The following CDH12 variants were observed in gnomAD, a reference collection of about 807,000 sequenced individuals.
CDH12 encodes the protein cadherin-12.
A neutral mutation model predicts 74.1 loss-of-function variants in CDH12; 41 were observed. The ratio of observed to expected loss-of-function variants is 0.55; its 90% CI spans 0.43 to 0.72. The LOEUF (loss-of-function observed/expected upper bound fraction) is 0.72. Among genes scored for constraint, CDH12 ranks in the 30% least tolerant of loss-of-function variants. The pLI is 0.00. For missense variants in CDH12, 945 were observed against 977.2 expected (o/e 0.97, Z 0.44); for synonymous variants, 399 against 355.0 (o/e 1.12, Z -1.39).
At position 21,828,471 on chromosome 5, in the gene CDH12, G is replaced by A. The variant is rs577024597; in HGVS notation, c.815-11339C>T. Among the ~76,000 whole-genome samples, 4 of 152,226 alleles carry A rather than the reference G, an allele frequency of 2.6e-5. No individual in the cohort carries two copies. The South Asian group carries it at 8.3e-4, about 32-fold the overall frequency. On this transcript the variant is annotated intron_variant, in intron 8 of 14. Coordinates refer to ENST00000382254, the MANE Select transcript of CDH12 (RefSeq NM_004061.5). The stretch of plus-strand genomic sequence containing the variant: ...GCTGGGGATATGTATTTACTCACAA[G>A]TTTGACTTCTCACTGGTTTTCTTCT...
intron 10 of CDH12, among the ~76,000 whole-genome samples, chr5:21,794,648 T>C (rs1246967227): frequency 6.6e-6 from 1 of 151,798 alleles, no homozygotes; most frequent in Admixed American, 6.6e-5. Context: ...TGTTTTGCAT[T>C]GTTTCTGTAT....
chr5:22,605,377 T>C (rs1182810598), intron 1 of CDH12, among the ~76,000 whole-genome samples: 2 of 152,192 alleles, frequency 1.3e-5, no homozygotes, highest in Admixed American at 1.3e-4. Context: ...CTGAAGGGCC[T>C]TCCATCAGTC....
intron 1 of CDH12, among the ~76,000 whole-genome samples, chr5:22,676,735 T>A (rs906142274): frequency 3.9e-5 from 6 of 152,208 alleles, no homozygotes; most frequent in African/African-American, 1.4e-4. Flanking sequence ...TGGTAAGTTC[T>A]ACAATGGATA....
At chr5:21,884,184 G>A (rs1752509825) in intron 6 of CDH12, 3 of 1,583,388 alleles carry the variant, frequency 1.9e-6, no homozygotes, top group South Asian at 2.2e-5. Flanking sequence ...TTTATTGGAT[G>A]CTGCTGGTGT....
chr5:22,170,995 C>T (rs959811741), intron 4 of CDH12, among the ~76,000 whole-genome samples: 2 of 151,812 alleles, frequency 1.3e-5, no homozygotes, highest in African/African-American at 2.4e-5. Context: ...AAAATAGGTG[C>T]TGTCAGAGGT....
chr5:21,763,995 C>A (rs1744864980), intron 12 of CDH12, among the ~76,000 whole-genome samples: 1 of 152,116 alleles, frequency 6.6e-6, no homozygotes, highest in East Asian at 1.9e-4. Flanking sequence ...CTAATACAAG[C>A]AAATGAGCAA....
At chr5:21,920,166 C>A (rs966765367) in intron 6 of CDH12, among the ~76,000 whole-genome samples, 6 of 152,152 alleles carry the variant, frequency 3.9e-5, no homozygotes, top group Non-Finnish European at 8.8e-5. Flanking sequence ...TAGAGACCAA[C>A]AATGCCCAGG....
chr5:21,895,668 C>T (rs1331648904), intron 6 of CDH12, among the ~76,000 whole-genome samples: 4 of 152,162 alleles, frequency 2.6e-5, no homozygotes, highest in Admixed American at 6.5e-5. Context: ...TGTGTCAGAG[C>T]CCAGAGGAGC....
Position 22,233,218 on chromosome 5 carries a change from A to G in CDH12, c.-332-20575T>C, listed in dbSNP as rs149595950. Among the ~76,000 whole-genome samples the G allele has an allele frequency of 2.0e-5, 3 of 152,138 alleles. No homozygotes were observed. The East Asian group carries it at 5.8e-4, about 29-fold the overall frequency. ...ACTATAATCAGAATTGCGTTGATCTATAGATCAATTTAGTAAGAATGGACA... is the reference window on the plus strand; with the variant it reads ...ACTATAATCAGAATTGCGTTGATCTGTAGATCAATTTAGTAAGAATGGACA... On this transcript the variant is annotated intron_variant, in intron 3 of 14. Transcript: ENST00000382254.
At chr5:22,440,478 C>T (rs1338506380) in intron 2 of CDH12, among the ~76,000 whole-genome samples, 2 of 152,074 alleles carry the variant, frequency 1.3e-5, no homozygotes, top group East Asian at 1.9e-4. Flanking sequence ...GTTGCCATGA[C>T]AAATTACCAC....
chr5:22,638,273 G>A (rs1267219137), intron 1 of CDH12, among the ~76,000 whole-genome samples: 3 of 152,164 alleles, frequency 2.0e-5, no homozygotes, highest in Non-Finnish European at 4.4e-5. Context: ...AAGCCAGGCA[G>A]CATCCCAAAA....
At chr5:22,707,198 A>G (rs1457090662) in intron 1 of CDH12, among the ~76,000 whole-genome samples, 1 of 152,196 alleles carries the variant, frequency 6.6e-6, no homozygotes, top group Non-Finnish European at 1.5e-5. Context: ...CCCTTCAATT[A>G]AAACTCTGCA....
chr5:22,247,547 T>C (rs1447638773), intron 3 of CDH12, among the ~76,000 whole-genome samples: 1 of 152,094 alleles, frequency 6.6e-6, no homozygotes, highest in Admixed American at 6.6e-5. Flanking sequence ...TGGTGGCGCG[T>C]GCCTGTAGTC....
chr5:21,787,867 C>A (rs1746280638), intron 10 of CDH12, among the ~76,000 whole-genome samples: 2 of 152,170 alleles, frequency 1.3e-5, no homozygotes, highest in Admixed American at 1.3e-4. Context: ...ACCGCATATT[C>A]TTTTCTGAAC....
chr5:22,588,593 A>G (rs1408728781), intron 1 of CDH12, among the ~76,000 whole-genome samples: 1 of 152,216 alleles, frequency 6.6e-6, no homozygotes, highest in Non-Finnish European at 1.5e-5. Context: ...ATTGCCACAA[A>G]TACATATTTT....
At chr5:22,288,623 G>A (rs1208482322) in intron 3 of CDH12, among the ~76,000 whole-genome samples, 11 of 152,104 alleles carry the variant, frequency 7.2e-5, no homozygotes, top group African/African-American at 2.4e-4. Flanking sequence ...TGCAGAATTC[G>A]TGTCTCTGAG....
intron 1 of CDH12, among the ~76,000 whole-genome samples, chr5:22,768,780 A>C (rs1312992719): frequency 6.6e-6 from 1 of 152,170 alleles, no homozygotes; most frequent in African/African-American, 2.4e-5. Context: ...AAAATTATCT[A>C]GGTATAAACT....
chr5:22,244,070 A>T (rs973625832), intron 3 of CDH12, among the ~76,000 whole-genome samples: 4 of 152,180 alleles, frequency 2.6e-5, no homozygotes, highest in African/African-American at 9.7e-5. Context: ...AGGATCTAGG[A>T]ATAAAGCAGA....
chr5:22,076,016 A>C (rs1230561129), intron 5 of CDH12, among the ~76,000 whole-genome samples: 1 of 152,118 alleles, frequency 6.6e-6, no homozygotes, highest in Admixed American at 6.6e-5. Context: ...ATCTAGAAGC[A>C]TCAAGACAGA....
Sources: allele counts gnomAD v4.1 joint callset (sites outside exome capture counted in the v4.1 genomes callset), GRCh38; gene constraint gnomAD v4.1.1; transcripts MANE v1.5; gene names NCBI Gene and HGNC (gene_info 2026-07-23, HGNC 2026-07-21).